Variants in HVCN1 observed in about 807,000 individuals in gnomAD.
HVCN1 encodes the protein hydrogen voltage gated channel 1.
Under a neutral mutation model 29.2 loss-of-function variants are expected in HVCN1, and 14 were observed. The ratio of observed to expected loss-of-function variants is 0.48; its 90% CI spans 0.32 to 0.75. HVCN1 has a LOEUF of 0.75. Ranked by LOEUF, HVCN1 falls within the 30% of genes least tolerant of loss-of-function variation. The probability of loss-of-function intolerance (pLI) is 0.04; values close to 1 mark genes in which losing one functional copy is unlikely to be tolerated. For synonymous variants in HVCN1, 131 were observed against 133.2 expected (o/e 0.98, Z 0.11); for missense variants, 263 against 341.8 (o/e 0.77, Z 1.82).
chr12:110,681,766 G>A (rs1294154356), intron 3 of HVCN1, among the ~76,000 whole-genome samples: 1 of 151,912 alleles, frequency 6.6e-6, no homozygotes. Flanking sequence ...CTCTGCCCTC[G>A]CCAGCTTGGC....
At chr12:110,685,276 G>A (rs553753811) in intron 2 of HVCN1, among the ~76,000 whole-genome samples, 4 of 152,052 alleles carry the variant, frequency 2.6e-5, no homozygotes, top group Non-Finnish European at 5.9e-5. Context: ...TGGAGGATGG[G>A]GCCTCAATCC....
chr12:110,672,496 T>C (rs1007053193), intron 3 of HVCN1, among the ~76,000 whole-genome samples: 1 of 152,064 alleles, frequency 6.6e-6, no homozygotes, highest in Admixed American at 6.6e-5. Context: ...GGGTCCTCAA[T>C]CTACGATTAT....
intron 6 of HVCN1, 121 bp downstream of exon 6, chr12:110,651,096 G>A (rs1001630313): frequency 3.0e-6 from 2 of 676,720 alleles, no homozygotes; most frequent in African/African-American, 3.6e-5. Flanking sequence ...GGGCAGAGGG[G>A]AGGCCTCCAT....
At chr12:110,695,522 C>G (rs371781933) in intron 2 of HVCN1, among the ~76,000 whole-genome samples, 3 of 152,198 alleles carry the variant, frequency 2.0e-5, no homozygotes, top group South Asian at 4.1e-4. Context: ...CGCCACTGCA[C>G]TCCAGCCTGG....
At chr12:110,656,298 A>G (rs2067988046) in intron 4 of HVCN1, among the ~76,000 whole-genome samples, 1 of 152,144 alleles carries the variant, frequency 6.6e-6, no homozygotes, top group African/African-American at 2.4e-5. Context: ...TGCTATGGGA[A>G]ACACAGCCTC....
chr12:110,703,692 CT>C (rs991532007), intron 1 of HVCN1, among the ~76,000 whole-genome samples: 17 of 148,620 alleles, frequency 1.1e-4, no homozygotes, highest in Admixed American at 1.4e-4. Context: ...CCGCCTCTCT[CT>C]TTTTTTTTTG....
intron 2 of HVCN1, among the ~76,000 whole-genome samples, chr12:110,687,264 C>T (rs7132423): frequency 5.3e-5 from 8 of 149,574 alleles, no homozygotes; most frequent in East Asian, 3.9e-4. Context: ...CACACCCCCC[C>T]CCCCCAGCTA....
upstream of HVCN1, among the ~76,000 whole-genome samples, chr12:110,690,998 G>A (rs565457961): frequency 6.6e-6 from 1 of 152,036 alleles, no homozygotes; most frequent in Admixed American, 6.6e-5. Context: ...CAAGTGATCC[G>A]CCTGCCTCGG....
upstream of HVCN1, among the ~76,000 whole-genome samples, chr12:110,692,163 A>G (rs537742100): frequency 1.3e-5 from 2 of 152,344 alleles, no homozygotes; most frequent in East Asian, 1.9e-4. Context: ...GGTGCCCTCC[A>G]TCATTGCTAC....
chr12:110,689,251 C>T (rs1353723352), upstream of HVCN1: 1 of 152,010 alleles, frequency 6.6e-6, no homozygotes, highest in African/African-American at 2.4e-5. The surrounding 1 kb of genome is among the most constrained non-coding windows in gnomAD (Gnocchi z 5.7). Flanking sequence ...GCTTCTAGGC[C>T]TCGGCCCGGG....
At chr12:110,669,881 C>T (rs2068513696) in intron 3 of HVCN1, among the ~76,000 whole-genome samples, 1 of 152,106 alleles carries the variant, frequency 6.6e-6, no homozygotes, top group Non-Finnish European at 1.5e-5. Flanking sequence ...CAGGGTGAAA[C>T]CCCATCTCTA....
chr12:110,650,979 C>T (rs992098291), intron 6 of HVCN1, among the ~76,000 whole-genome samples: 4 of 152,194 alleles, frequency 2.6e-5, no homozygotes, highest in African/African-American at 9.7e-5. Context: ...GGATTACAGG[C>T]ATGACCACTG....
In HVCN1 at chr12:110,688,515, G is replaced by C. The variant is rs567687237; in HGVS notation, c.-20+110C>G. 2.6e-5 allele frequency: 4 copies of C among 152,430 alleles called. No homozygotes were observed. In the South Asian group the frequency reaches 6.2e-4, roughly 24 times the overall value. The allele number at this position is 152,430 out of a possible 1,614,324, so 9.4% of individuals were successfully genotyped here. A position where few individuals can be genotyped will look rare whatever the true frequency, so the allele number is the denominator to read the frequency against. On this transcript the variant is annotated intron_variant, in intron 2 of 7. Coordinates refer to ENST00000242607, the MANE Select transcript of HVCN1 (RefSeq NM_032369.4). ...GGGATGGCTGGGCCTGCTCATTGCA[G>C]CCTTCTCCCGGGACATCCAGCACTG... is the stretch of plus-strand genomic sequence containing the variant.
intron 3 of HVCN1, among the ~76,000 whole-genome samples, chr12:110,670,306 A>G (rs2068531648): frequency 6.6e-6 from 1 of 152,188 alleles, no homozygotes. Flanking sequence ...GTACTTTTTA[A>G]GAAAGTCAGC....
intron 3 of HVCN1, among the ~76,000 whole-genome samples, chr12:110,680,614 C>A (rs2068931628): frequency 6.6e-6 from 1 of 152,162 alleles, no homozygotes. Context: ...TTATCTTTTA[C>A]AATTATAATC....
At chr12:110,690,922 T>G (rs2069392610), upstream of HVCN1, among the ~76,000 whole-genome samples, 2 of 145,788 alleles carry the variant, frequency 1.4e-5, no homozygotes, top group South Asian at 4.4e-4. Context: ...GCCTGGCTAA[T>G]TTTTGTTTTT....
intron 3 of HVCN1, among the ~76,000 whole-genome samples, chr12:110,666,726 C>A (rs1230076652): frequency 1.3e-5 from 2 of 152,170 alleles, no homozygotes; most frequent in African/African-American, 4.8e-5. Context: ...CCAATCCGAG[C>A]TTCGCTTACT....
chr12:110,693,928 G>A (rs921818125), upstream of HVCN1, among the ~76,000 whole-genome samples: 6 of 152,210 alleles, frequency 3.9e-5, no homozygotes, highest in African/African-American at 1.4e-4. Flanking sequence ...ACTTGTTCCG[G>A]TTTGGGCAAT....
At chr12:110,672,650 A>G (rs2068623015) in intron 3 of HVCN1, among the ~76,000 whole-genome samples, 1 of 152,190 alleles carries the variant, frequency 6.6e-6, no homozygotes, top group South Asian at 2.1e-4. Context: ...TCCCCACCCA[A>G]ATCTCAACTT....
Sources: gnomAD v4.1 joint callset for allele counts (sites outside exome capture counted in the v4.1 genomes callset) on GRCh38, gnomAD v4.1.1 for gene constraint, Gnocchi (gnomAD v3.1) non-coding constraint, MANE v1.5 for transcripts, NCBI Gene and HGNC (gene_info 2026-07-23, HGNC 2026-07-21) for gene names.